Variants in LSM12 observed in about 807,000 individuals in gnomAD.
LSM12 encodes the protein protein LSM12.
For synonymous variants in LSM12, 74 were observed against 87.3 expected, an observed-to-expected ratio of 0.85 and a Z score of 0.85; for missense variants, 108 against 238.9, an observed-to-expected ratio of 0.45 and a Z score of 3.61.
intron 2 of LSM12, among the ~76,000 whole-genome samples, chr17:44,052,694 G>C (rs2049662460): frequency 6.6e-6 from 1 of 151,972 alleles, no homozygotes; most frequent in Admixed American, 6.6e-5. Context: ...GGGAGGTGGA[G>C]GTTGCAGTGA....
intron 2 of LSM12, among the ~76,000 whole-genome samples, chr17:44,055,962 G>A (rs1187761794): frequency 6.6e-6 from 1 of 151,570 alleles, no homozygotes; most frequent in Non-Finnish European, 1.5e-5. Flanking sequence ...CCCTCAATGT[G>A]ACATGATACC....
chr17:44,060,702 G>A (rs746672200), intron 2 of LSM12, among the ~76,000 whole-genome samples: 1 of 152,146 alleles, frequency 6.6e-6, no homozygotes, highest in Non-Finnish European at 1.5e-5. Flanking sequence ...CAAAAACTGG[G>A]TAATCAGCTA....
intron 2 of LSM12, among the ~76,000 whole-genome samples, chr17:44,061,681 C>T (rs753225819): frequency 3.9e-5 from 6 of 152,200 alleles, no homozygotes; most frequent in Non-Finnish European, 8.8e-5. Flanking sequence ...GTACAGAACA[C>T]ACCACATTCC....
chr17:44,051,305 C>T (rs571285131), intron 2 of LSM12, among the ~76,000 whole-genome samples: 5 of 149,654 alleles, frequency 3.3e-5, no homozygotes, highest in African/African-American at 7.5e-5. Context: ...GCAGGAGAAT[C>T]GCTTGAACCT....
At chr17:44,064,061 A>T (rs557794447) in intron 1 of LSM12, 127 bp from the exon 2 acceptor site, 5 of 1,007,998 alleles carry the variant, frequency 5.0e-6, no homozygotes, top group Admixed American at 5.4e-5. Context: ...TGAGGGCCTT[A>T]TAAGAATCAC....
intron 4 of LSM12, 52 bp downstream of exon 4, chr17:44,037,360 G>C: frequency 6.6e-7 from 1 of 1,524,722 alleles, no homozygotes. Flanking sequence ...AAAGACTGAA[G>C]GCCTGAGGAA....
At chr17:44,066,327 C>T (rs944841582) in intron 1 of LSM12, 137 bp downstream of exon 1, 21 of 1,139,182 alleles carry the variant, frequency 1.8e-5, no homozygotes, top group Non-Finnish European at 2.4e-5. Flanking sequence ...CAGGGCCGTG[C>T]GCATGCGCCC....
upstream of LSM12, among the ~76,000 whole-genome samples, chr17:44,067,173 G>A (rs1159247474): frequency 6.6e-6 from 1 of 152,178 alleles, no homozygotes; most frequent in African/African-American, 2.4e-5. Flanking sequence ...GGTGGCGCGT[G>A]CCTGTAATCC....
At chr17:44,051,278 T>C (rs2049639653) in intron 2 of LSM12, among the ~76,000 whole-genome samples, 1 of 150,774 alleles carries the variant, frequency 6.6e-6, no homozygotes, top group Non-Finnish European at 1.5e-5. Context: ...GCACCTGTAG[T>C]CCCAGCTACT....
chr17:44,049,232 A>AT (rs1409240194), intron 2 of LSM12, among the ~76,000 whole-genome samples: 1 of 151,948 alleles, frequency 6.6e-6, no homozygotes, highest in Non-Finnish European at 1.5e-5. Context: ...AACAAAAAAA[A>AT]CCGGCTTCTA....
chr17:44,059,987 A>AC, intron 2 of LSM12, among the ~76,000 whole-genome samples: 1 of 152,056 alleles, frequency 6.6e-6, no homozygotes, highest in Admixed American at 6.5e-5. Context: ...ACATGGTGAA[A>AC]CCCCGTCTCT....
chr17:44,065,483 C>A (rs2144120148), intron 1 of LSM12, among the ~76,000 whole-genome samples: 1 of 147,824 alleles, frequency 6.8e-6, no homozygotes, highest in East Asian at 2.0e-4. Context: ...ATTACTCCTC[C>A]AAAAAAAAAT....
intron 3 of LSM12, among the ~76,000 whole-genome samples, chr17:44,038,278 G>C (rs552366151): frequency 3.3e-5 from 5 of 150,812 alleles, no homozygotes; most frequent in Non-Finnish European, 7.4e-5. Flanking sequence ...CACCAGAGCC[G>C]GGGAGATTGA....
Position 44,036,288 on chromosome 17 carries a change from A to C in LSM12, c.508T>G (p.Phe170Val). Residue 170 changes from phenylalanine to valine, a missense_variant, in exon 5 of 5, where the codon TTT becomes GTT. Physicochemically the swap from Phe to Val is conservative, Grantham distance 50 (BLOSUM62 -1). Coordinates refer to ENST00000293406, the MANE Select transcript of LSM12 (RefSeq NM_001371445.1). ...SHVRKIVEKH[F>V]RDVESQKILQ... ...ATCTTTTGGCTTTCCACGTCTCTAA[A>C]ATGTTTTTCAACCTGAAAAAGACCA... 1 of 1,614,004 alleles carries C rather than the reference A, an allele frequency of 6.2e-7. No homozygotes were observed. The highest frequency in any genetic ancestry group is 1.3e-5 in the African/African-American group (1 of 74,982).
rs113497611 is a variant in LSM12, at chr17:44,057,715, C to A, written c.258+6086G>T. On this transcript the variant is annotated intron_variant, in intron 2 of 4. Transcript: ENST00000293406. ...CAGAGGTTGCAGTGAGCTGAGACAG[C>A]ACTACTGCATTATAGCCTGGGAGAC... is the stretch of plus-strand genomic sequence containing the variant. Among the ~76,000 whole-genome samples, 883 of 151,042 alleles carry A rather than the reference C, an allele frequency of 5.8e-3. 7 individuals are homozygous for A. The highest frequency in any genetic ancestry group is 0.02 in the African/African-American group (829 of 41,214).
chr17:44,064,064 A>T (rs553974942), intron 1 of LSM12, 130 bp from the exon 2 acceptor site: 220 of 966,078 alleles, frequency 2.3e-4, no homozygotes, highest in Non-Finnish European at 3.0e-4. Context: ...GGGCCTTATA[A>T]GAATCACGGT....
intron 2 of LSM12, among the ~76,000 whole-genome samples, chr17:44,049,787 T>G (rs1228994790): frequency 6.6e-6 from 1 of 152,142 alleles, no homozygotes; most frequent in Non-Finnish European, 1.5e-5. Flanking sequence ...CTACAAGTAT[T>G]TAACAGGCTG....
At chr17:44,058,294 C>T (rs2049747663) in intron 2 of LSM12, among the ~76,000 whole-genome samples, 1 of 151,856 alleles carries the variant, frequency 6.6e-6, no homozygotes, top group Non-Finnish European at 1.5e-5. Context: ...CATTAACTAA[C>T]ATCTGCCAAG....
Position 44,040,184 on chromosome 17 carries a change from G to T in LSM12, c.331C>A (p.Leu111Ile). 6.2e-7 allele frequency: 1 copy of T among 1,613,854 alleles called. No homozygotes were observed. Among genetic ancestry groups the T allele is most frequent in the Non-Finnish European group, 8.5e-7 (1 of 1,179,768 alleles). Residue 111 changes from leucine to isoleucine, a missense_variant, in exon 3 of 5, where the codon CTA becomes ATA. By Grantham distance (5) the Leu-to-Ile change is conservative (BLOSUM62 2). Transcript: ENST00000293406. Reference protein sequence around the residue: ...QAYAISAGVSLEGQQLFQTIH... With the variant: ...QAYAISAGVSIEGQQLFQTIH... ...GTCTGGAAGAGCTGCTGGCCCTCTA[G>T]AGAGACACCAGCACTGATTGCATAG...
Sources: gnomAD v4.1 joint callset for allele counts (sites outside exome capture counted in the v4.1 genomes callset) on GRCh38, gnomAD v4.1.1 for gene constraint, MANE v1.5 for transcripts, NCBI Gene and HGNC (gene_info 2026-07-23, HGNC 2026-07-21) for gene names.